The following CDC45 variants were observed in gnomAD, a reference collection of about 807,000 sequenced individuals.
The protein encoded by CDC45 is cell division cycle 45.
Under a neutral mutation model 77.8 loss-of-function variants are expected in CDC45, and 54 were observed. That is an observed-to-expected ratio of 0.69 (90% CI 0.56 to 0.87). The LOEUF (loss-of-function observed/expected upper bound fraction) is 0.87. Ranked by LOEUF, CDC45 falls within the 40% of genes least tolerant of loss-of-function variation. The pLI is 0.00. For missense variants in CDC45, 649 were observed against 721.6 expected, an observed-to-expected ratio of 0.90 and a Z score of 1.15; for synonymous variants, 260 against 272.1, an observed-to-expected ratio of 0.96 and a Z score of 0.44.
At chr22:19,500,650 T>C (rs2090324716) in intron 9 of CDC45, among the ~76,000 whole-genome samples, 1 of 152,150 alleles carries the variant, frequency 6.6e-6, no homozygotes, top group Non-Finnish European at 1.5e-5. Flanking sequence ...TTGTACACCC[T>C]GATGATTACA....
intron 2 of CDC45, 58 bp from the exon 3 acceptor site, chr22:19,480,895 T>C: frequency 9.1e-7 from 1 of 1,102,678 alleles, no homozygotes; most frequent in South Asian, 1.4e-5. Context: ...CAGTTTCTTT[T>C]CAAGGTAAAT....
chr22:19,518,153 T>C (rs1933905037), intron 17 of CDC45, among the ~76,000 whole-genome samples: 3 of 152,190 alleles, frequency 2.0e-5, no homozygotes, highest in African/African-American at 7.2e-5. Context: ...GCCTGCAGAA[T>C]ATCTGGCCTT....
At chr22:19,483,044 G>A (rs2090009176) in intron 4 of CDC45, among the ~76,000 whole-genome samples, 1 of 151,924 alleles carries the variant, frequency 6.6e-6, no homozygotes, top group Admixed American at 6.6e-5. Flanking sequence ...CAAACTCCTG[G>A]GTTCAACTGA....
chr22:19,503,107 C>G (rs1932963857), intron 9 of CDC45, among the ~76,000 whole-genome samples: 1 of 152,140 alleles, frequency 6.6e-6, no homozygotes, highest in Non-Finnish European at 1.5e-5. Context: ...GTCAAAGCTT[C>G]AGTGAGCTAT....
chr22:19,489,552 T>C (rs1359144991), intron 5 of CDC45, among the ~76,000 whole-genome samples: 1 of 152,234 alleles, frequency 6.6e-6, no homozygotes, highest in Non-Finnish European at 1.5e-5. Context: ...GATTCATCCA[T>C]GTTTGCTTGT....
chr22:19,505,372 G>A lies in CDC45; in HGVS notation c.715G>A (p.Val239Met). ...VQDKITQMKY[V>M]TDVGVLQRHV... The stretch of plus-strand genomic sequence containing the variant: ...TACTTTTTTTTCCAGAATGAAATAC[G>A]TGACTGATGTTGGTGTCCTGCAGCG... The change falls in exon 10 of 19, where the codon GTG becomes ATG. Residue 239 changes from valine to methionine, a missense_variant. Val to Met is a conservative substitution (Grantham distance 21). Transcript: ENST00000263201. The A allele has an allele frequency of 4.3e-6, 7 of 1,614,036 alleles. No homozygotes were observed. The highest frequency in any genetic ancestry group is 5.9e-6 in the Non-Finnish European group (7 of 1,180,018).
intron 11 of CDC45, 56 bp downstream of exon 11, chr22:19,507,573 GC>G (rs1933269008): frequency 6.2e-7 from 1 of 1,605,888 alleles, no homozygotes; most frequent in African/African-American, 1.3e-5. Flanking sequence ...CAAGGGAAAA[GC>G]CCCTCTGCTT....
intron 13 of CDC45, among the ~76,000 whole-genome samples, chr22:19,513,471 A>AT (rs1266372872): frequency 2.6e-5 from 4 of 151,660 alleles, no homozygotes; most frequent in African/African-American, 9.7e-5. Context: ...TATCACATCC[A>AT]TTTTTTTCTC....
At chr22:19,512,642 C>T (rs946044761) in intron 13 of CDC45, among the ~76,000 whole-genome samples, 4 of 152,130 alleles carry the variant, frequency 2.6e-5, no homozygotes, top group Non-Finnish European at 5.9e-5. Context: ...AGCATTTATC[C>T]CACTCTTGTC....
Position 19,505,008 on chromosome 22 carries a change from A to G in CDC45, c.705-354A>G, listed in dbSNP as rs5993659. 2,065 of 245,542 alleles carry G rather than the reference A, an allele frequency of 8.4e-3. 47 individuals carry two copies. The highest frequency in any genetic ancestry group is 0.043 in the African/African-American group (1,886 of 44,280). 15.2% of individuals were successfully genotyped at this position (245,542 alleles called of 1,614,324 possible). A position where few individuals can be genotyped will look rare whatever the true frequency, so the allele number is the denominator to read the frequency against. ...CTCCCCCTGCCCTCATTAATTTTGTAAAGTTTATAGGGAACATTTCACCCA... is the reference window on the plus strand; with the variant it reads ...CTCCCCCTGCCCTCATTAATTTTGTGAAGTTTATAGGGAACATTTCACCCA... On this transcript the variant is annotated intron_variant, in intron 9 of 18. Transcript: ENST00000263201.
chr22:19,480,259 G>A, intron 2 of CDC45, 42 bp downstream of exon 2: 1 of 1,584,480 alleles, frequency 6.3e-7, no homozygotes, highest in Non-Finnish European at 8.7e-7. Context: ...CGGCGCGCGA[G>A]GTGAGGGTGC....
intron 8 of CDC45, among the ~76,000 whole-genome samples, chr22:19,498,011 T>C (rs964004288): frequency 2.5e-5 from 3 of 118,696 alleles, no homozygotes; most frequent in Non-Finnish European, 6.2e-5. Context: ...CTACCAAAAA[T>C]AGAAAAAAAA....
At chr22:19,480,291 C>A in intron 2 of CDC45, 74 bp downstream of exon 2, 1 of 1,376,928 alleles carries the variant, frequency 7.3e-7, no homozygotes, top group Non-Finnish European at 1.0e-6. Flanking sequence ...GCAGGGCGGG[C>A]AGAGTGTCAG....
At chr22:19,481,102 C>A in intron 3 of CDC45, 57 bp downstream of exon 3, 1 of 1,075,222 alleles carries the variant, frequency 9.3e-7, no homozygotes, top group Non-Finnish European at 1.4e-6. Flanking sequence ...AATTTCTTGA[C>A]ACAGCATTCT....
chr22:19,516,578 A>G lies in CDC45; in HGVS notation c.1492A>G (p.Ser498Gly). The change falls in exon 16 of 19, where the codon AGC becomes GGC. Residue 498 changes from serine (S) to glycine (G), a missense_variant. Transcript: ENST00000263201. ...GCCCCTGGTGATGGCTGCCCCCCTG[A>G]GCATGGAGCATGGCACAGTGACCGT... ...LLPLVMAAPLSMEHGTVTVVG... is the reference protein window; with the variant it reads ...LLPLVMAAPLGMEHGTVTVVG... 1 of 1,613,950 alleles carries G rather than the reference A, an allele frequency of 6.2e-7. No homozygotes were observed. The highest frequency in any genetic ancestry group is 1.7e-5 in the Admixed American group (1 of 60,002).
chr22:19,483,246 C>T (rs2090012719), intron 4 of CDC45, among the ~76,000 whole-genome samples: 1 of 152,198 alleles, frequency 6.6e-6, no homozygotes, highest in Non-Finnish European at 1.5e-5. Flanking sequence ...TCCTGGCTAA[C>T]ATGGTGAAAC....
Position 19,499,001 on chromosome 22 carries a change from G to A in CDC45, c.654-100G>A, listed in dbSNP as rs2090292812. On this transcript the variant is annotated intron_variant, in intron 8 of 18. Coordinates refer to ENST00000263201, the MANE Select transcript of CDC45 (RefSeq NM_003504.5). ...CCCCACTGGCAGGACATTCCCCAGA[G>A]TGCTGAGCTTGGGCCCGTTCCATCA... 4 of 1,285,486 alleles carry A rather than the reference G, an allele frequency of 3.1e-6. No individual in the cohort carries two copies. In the South Asian group the frequency reaches 4.8e-5, roughly 16 times the overall value. The allele number at this position is 1,285,486 out of a possible 1,614,324, so 79.6% of individuals were successfully genotyped here.
intron 13 of CDC45, among the ~76,000 whole-genome samples, chr22:19,512,261 T>G (rs1225625848): frequency 2.0e-5 from 3 of 152,214 alleles, no homozygotes; most frequent in Non-Finnish European, 4.4e-5. Flanking sequence ...CTTGGCCCAC[T>G]GCACTCACCT....
Position 19,483,890 on chromosome 22 carries a change from A to G in CDC45, c.371A>G (p.Asp124Gly). The part of the protein sequence containing the change: ...QIKLLIKQDD[D>G]LEVPAYEDIF... The stretch of plus-strand genomic sequence containing the variant: ...AAATTACTCATTAAACAAGATGATG[A>G]CCTTGAAGTTCCCGCCTATGAAGAC... Residue 124 changes from aspartate to glycine, a missense_variant, in exon 5 of 19, where the codon GAC becomes GGC. Transcript: ENST00000263201. The G allele has an allele frequency of 1.2e-6, 2 of 1,612,592 alleles. No homozygotes were observed. Among genetic ancestry groups the G allele is most frequent in the Non-Finnish European group, 1.7e-6 (2 of 1,179,594 alleles).
Sources: gnomAD v4.1 joint callset for allele counts (sites outside exome capture counted in the v4.1 genomes callset) on GRCh38, gnomAD v4.1.1 for gene constraint, MANE v1.5 for transcripts, NCBI Gene and HGNC (gene_info 2026-07-23, HGNC 2026-07-21) for gene names.